The following TMPRSS3 variants were observed in gnomAD, a reference collection of about 807,000 sequenced individuals.
The protein encoded by TMPRSS3 is transmembrane protease serine 3.
TMPRSS3 carries 55 observed loss-of-function variants against 59.6 expected under a neutral mutation model. That is an observed-to-expected ratio of 0.92 (90% confidence interval 0.74 to 1.16). The LOEUF is 1.16. Ranked by LOEUF, TMPRSS3 falls within the 50% of genes most tolerant of loss-of-function variation. The pLI is 0.00. For synonymous variants in TMPRSS3, 257 were observed against 237.7 expected (o/e 1.08, Z -0.75); for missense variants, 596 against 579.4 (o/e 1.03, Z -0.29).
At chr21:42,383,000 CA>C in intron 8 of TMPRSS3, 32 bp downstream of exon 8, 1 of 1,613,252 alleles carries the variant, frequency 6.2e-7, no homozygotes, top group Non-Finnish European at 8.5e-7. Flanking sequence ...CAGGAGTGAA[CA>C]GGGGTCTGGG....
Position 42,382,197 on chromosome 21 carries a change from G to T in TMPRSS3, c.820C>A (p.Leu274Ile), listed in dbSNP as rs2052544663. Residue 274 changes from leucine to isoleucine, a missense_variant, in exon 9 of 13, where the codon CTA (leucine) becomes ATA (isoleucine). Transcript: ENST00000644384. ...LPKSWTIQVG[L>I]VSLLDNPAPS... Reference sequence around the variant, plus strand: ...GCTGGATTGTCCAACAGGGAAACTAGACCCACCTGGATGGTCCATGACTTG... The same window carrying T: ...GCTGGATTGTCCAACAGGGAAACTATACCCACCTGGATGGTCCATGACTTG... 6.2e-7 allele frequency: 1 copy of T among 1,614,048 alleles called. No homozygotes were observed. The highest frequency in any genetic ancestry group is 1.7e-5 in the Admixed American group (1 of 60,004).
chr21:42,389,642 C>T (rs1445482399), intron 3 of TMPRSS3, among the ~76,000 whole-genome samples: 1 of 152,264 alleles, frequency 6.6e-6, no homozygotes, highest in Non-Finnish European at 1.5e-5. Context: ...GTGCCTCCCT[C>T]CCACCTGCAG....
chr21:42,391,299 G>A (rs117597870), intron 2 of TMPRSS3, among the ~76,000 whole-genome samples: 3,173 of 152,280 alleles, frequency 0.021, 47 homozygotes, highest in Non-Finnish European at 0.029. Flanking sequence ...TCCCCACTTG[G>A]CTCTCCAAAG....
chr21:42,377,027 A>G (rs896291035), intron 10 of TMPRSS3, among the ~76,000 whole-genome samples: 23 of 152,224 alleles, frequency 1.5e-4, no homozygotes, highest in African/African-American at 5.5e-4. Context: ...AGCCATCAGA[A>G]CACCCCAGGT....
chr21:42,377,180 G>A (rs9974181), intron 10 of TMPRSS3, among the ~76,000 whole-genome samples: 2,936 of 152,314 alleles, frequency 0.019, 51 homozygotes, highest in South Asian at 0.034. Context: ...AGGGCAAATG[G>A]GACATTGCAG....
chr21:42,371,993 G>C lies in TMPRSS3; in HGVS notation c.*769C>G, dbSNP rs1402552898. On this transcript the variant is annotated 3_prime_UTR_variant, in exon 13 of 13. Transcript: ENST00000644384. ...ATAGGCCTTAAACGAGTCATTCCTA[G>C]ATTAACCTCCCCACATGTGAAAATA... 8.8e-6 allele frequency: 4 copies of C among 454,470 alleles called. No individual in the cohort carries two copies. Among genetic ancestry groups the C allele is most frequent in the East Asian group, 1.4e-4 (2 of 14,544 alleles). 28.2% of individuals were successfully genotyped at this position (454,470 alleles called of 1,614,324 possible). A position where few individuals can be genotyped will look rare whatever the true frequency, so the allele number is the denominator to read the frequency against.
chr21:42,391,192 G>A (rs1052770868), intron 2 of TMPRSS3, among the ~76,000 whole-genome samples: 3 of 152,212 alleles, frequency 2.0e-5, no homozygotes, highest in Non-Finnish European at 2.9e-5. Flanking sequence ...AGGACAAGAT[G>A]TTGATTTTTG....
chr21:42,378,092 CT>C (rs1276126444), intron 10 of TMPRSS3, among the ~76,000 whole-genome samples: 1 of 152,182 alleles, frequency 6.6e-6, no homozygotes, highest in Non-Finnish European at 1.5e-5. Context: ...ACCAGGGGTG[CT>C]GGTTCTGATG....
In TMPRSS3 at chr21:42,388,281, T is replaced by C. The variant is rs1400556254; in HGVS notation, c.446+122A>G. On this transcript the variant is annotated intron_variant, in intron 5 of 12. Coordinates refer to ENST00000644384, the MANE Select transcript of TMPRSS3 (RefSeq NM_001256317.3). The surrounding 1 kb of genome is among the most constrained non-coding windows in gnomAD (Gnocchi z 5.1). ...ATGATATCGGGCATCCTAAGGTGGA[T>C]GTGAGGATGTAATCTGAGAGCGTTA... 10 of 1,323,614 alleles carry C rather than the reference T, an allele frequency of 7.6e-6. No individual in the cohort carries two copies. Among genetic ancestry groups the C allele is most frequent in the Admixed American group, 1.8e-5 (1 of 55,764 alleles). 82.0% of individuals were successfully genotyped at this position (1,323,614 alleles called of 1,614,324 possible).
Position 42,389,978 on chromosome 21 carries a change from T to C in TMPRSS3, c.154A>G (p.Ile52Val). ...ATCAATGCAATGATCCCAATGACGA[T>C]GATTGGAAAAAACTTCAATGGCAGC... is the stretch of plus-strand genomic sequence containing the variant. ...SLLPLKFFPI[I>V]VIGIIALILA... The change falls in exon 3 of 13, where the codon ATC (isoleucine) becomes GTC (valine). Residue 52 changes from isoleucine to valine, a missense_variant. Ile to Val is a conservative substitution (Grantham distance 29). Coordinates refer to ENST00000644384, the MANE Select transcript of TMPRSS3 (RefSeq NM_001256317.3). The C allele has an allele frequency of 6.2e-7, 1 of 1,614,106 alleles. No homozygotes were observed. The highest frequency in any genetic ancestry group is 1.3e-5 in the African/African-American group (1 of 75,008).
At chr21:42,394,701 T>A (rs754768480) in intron 2 of TMPRSS3, among the ~76,000 whole-genome samples, 1 of 152,136 alleles carries the variant, frequency 6.6e-6, no homozygotes, top group Non-Finnish European at 1.5e-5. Flanking sequence ...CTAGCACCAA[T>A]GTGTCAGGAA....
At chr21:42,381,860 T>G in intron 9 of TMPRSS3, 1 of 725,978 alleles carries the variant, frequency 1.4e-6, no homozygotes, top group Admixed American at 2.1e-5. Context: ...TGAAAATCAC[T>G]TGTCATACCA....
chr21:42,380,958 A>T (rs904573800), intron 9 of TMPRSS3, among the ~76,000 whole-genome samples: 7 of 152,372 alleles, frequency 4.6e-5, no homozygotes, highest in African/African-American at 1.7e-4. Flanking sequence ...CATTAATAAT[A>T]GTTGGCAGAC....
Position 42,383,130 on chromosome 21 carries a change from G to A in TMPRSS3, c.685C>T (p.Pro229Ser), listed in dbSNP as rs2052562972. ...TGGAACTGAAGGCTGGCCTGCCAGGGCCACTGCGAGAGCAAGGACATGTTT... is the reference window on the plus strand; with the variant it reads ...TGGAACTGAAGGCTGGCCTGCCAGGACCACTGCGAGAGCAAGGACATGTTT... ...GGNMSLLSQW[P>S]WQASLQFQGY... Residue 229 changes from proline to serine, a missense_variant, in exon 8 of 13, where the codon CCC becomes TCC. Physicochemically the swap from Pro to Ser is moderately conservative, Grantham distance 74. Coordinates refer to ENST00000644384, the MANE Select transcript of TMPRSS3 (RefSeq NM_001256317.3). 2.5e-6 allele frequency: 4 copies of A among 1,614,072 alleles called. No homozygotes were observed. In the African/African-American group the frequency reaches 4.0e-5, roughly 16 times the overall value.
intron 12 of TMPRSS3, among the ~76,000 whole-genome samples, chr21:42,375,282 C>T (rs867271880): frequency 6.9e-6 from 1 of 145,132 alleles, no homozygotes; most frequent in South Asian, 2.4e-4. Context: ...TGACTGCTGC[C>T]TCTCATCCCT....
At chr21:42,395,579 A>G (rs2052794615) in intron 1 of TMPRSS3, 111 bp from the exon 2 acceptor site, 7 of 690,770 alleles carry the variant, frequency 1.0e-5, no homozygotes, top group Non-Finnish European at 1.3e-5. Flanking sequence ...CACAAAGCGC[A>G]TTCAGTATCG....
At chr21:42,394,580 T>A (rs1054589931) in intron 2 of TMPRSS3, among the ~76,000 whole-genome samples, 1 of 152,180 alleles carries the variant, frequency 6.6e-6, no homozygotes, top group African/African-American at 2.4e-5. Flanking sequence ...CCACCTCCCA[T>A]CCTTTCCAAA....
At chr21:42,375,685 C>A (rs368762676) in intron 12 of TMPRSS3, 31 bp downstream of exon 12, 113 of 1,613,448 alleles carry the variant, frequency 7.0e-5, no homozygotes, top group Non-Finnish European at 9.3e-5. Flanking sequence ...AAGCCAGGGA[C>A]AACGTGAGCT....
At chr21:42,381,965 G>A (rs746984799) in intron 9 of TMPRSS3, 100 bp downstream of exon 9, 1 of 1,428,216 alleles carries the variant, frequency 7.0e-7, no homozygotes, top group South Asian at 1.2e-5. Context: ...TATCTGACAA[G>A]GATTATAAAG....
Sources: gnomAD v4.1 joint callset for allele counts (sites outside exome capture counted in the v4.1 genomes callset) on GRCh38, gnomAD v4.1.1 for gene constraint, Gnocchi (gnomAD v3.1) non-coding constraint, MANE v1.5 for transcripts, NCBI Gene and HGNC (gene_info 2026-07-23, HGNC 2026-07-21) for gene names.